The following VSIG10L2 variants were observed in gnomAD, a reference collection of about 807,000 sequenced individuals.
The protein encoded by VSIG10L2 is V-set and immunoglobulin domain-containing protein 10-like 2.
Under a neutral mutation model 67.1 loss-of-function variants are expected in VSIG10L2, and 56 were observed. That is an observed-to-expected ratio of 0.83 (90% CI 0.67 to 1.04). VSIG10L2 has a LOEUF of 1.04. Ranked by LOEUF, VSIG10L2 falls within the 50% of genes least tolerant of loss-of-function variation. The pLI, the probability that VSIG10L2 is intolerant of heterozygous loss-of-function variation, is 0.00. For synonymous variants in VSIG10L2, 360 were observed against 396.6 expected (o/e 0.91, Z 1.10); for missense variants, 843 against 932.8 (o/e 0.90, Z 1.25).
intron 4 of VSIG10L2, 97 bp from the exon 5 acceptor site, chr11:125,950,813 C>T: frequency 8.6e-7 from 1 of 1,161,780 alleles, no homozygotes; most frequent in African/African-American, 1.6e-5. Flanking sequence ...CCCCTACCCA[C>T]TGACACCCCT....
chr11:125,954,103 C>CA lies in VSIG10L2; in HGVS notation c.1805dup (p.Asn602LysfsTer52). The CA allele has an allele frequency of 8.1e-7, 1 of 1,232,236 alleles. No individual in the cohort carries two copies. The highest frequency in any genetic ancestry group is 4.1e-5 in the South Asian group (1 of 24,310). 76.3% of individuals were successfully genotyped at this position (1,232,236 alleles called of 1,614,324 possible). A position where few individuals can be genotyped will look rare whatever the true frequency, so the allele number is the denominator to read the frequency against. The stretch of plus-strand genomic sequence containing the variant: ...CTCACCCAGGATATCCAGCTCCTCC[C>CA]AATGTCACCATCAGCCGCCTGACCT... On this transcript the variant is annotated frameshift_variant, in exon 8 of 12. Transcript: ENST00000686984. LOFTEE classifies it high-confidence loss of function.
chr11:125,953,589 G>A lies in VSIG10L2; in HGVS notation c.1685G>A (p.Gly562Asp), dbSNP rs1023566326. Residue 562 changes from glycine to aspartate, a missense_variant, in exon 7 of 12, where the codon GGC (glycine) becomes GAC (aspartate). This residue lies in a region of VSIG10L2 where 397 missense variants were observed against 384.4 expected (regional missense o/e 1.03). Coordinates refer to ENST00000686984, the MANE Select transcript of VSIG10L2 (RefSeq NM_001365077.2). ...CCTGAGGGTGCCCAGCTGCGCCTGG[G>A]CATCTACGATGCTGACCCGGCACAC... ...LHPEGAQLRL[G>D]IYDADPAHHR... 17 of 1,232,074 alleles carry A rather than the reference G, an allele frequency of 1.4e-5. No homozygotes were observed. The highest frequency in any genetic ancestry group is 4.2e-5 in the Admixed American group (1 of 23,698). The allele number at this position is 1,232,074 out of a possible 1,614,324, so 76.3% of individuals were successfully genotyped here. A position where few individuals can be genotyped will look rare whatever the true frequency, so the allele number is the denominator to read the frequency against.
intron 3 of VSIG10L2, 76 bp downstream of exon 3, chr11:125,948,656 A>T (rs1376409457): frequency 8.2e-7 from 1 of 1,220,134 alleles, no homozygotes; most frequent in South Asian, 4.3e-5. Context: ...TCCACACCTC[A>T]GAACTCCCCA....
chr11:125,949,062 G>A (rs1945330957), intron 3 of VSIG10L2, among the ~76,000 whole-genome samples: 1 of 152,256 alleles, frequency 6.6e-6, no homozygotes, highest in African/African-American at 2.4e-5. Context: ...TCGGTCACTT[G>A]AGATGGAGCC....
At chr11:125,954,829 CAG>C (rs1010547265) in intron 8 of VSIG10L2, among the ~76,000 whole-genome samples, 23 of 152,318 alleles carry the variant, frequency 1.5e-4, no homozygotes, top group South Asian at 2.1e-4. Flanking sequence ...GCACCAGAAA[CAG>C]GGGATTTGGC....
chr11:125,950,116 C>G lies in VSIG10L2; in HGVS notation c.812C>G (p.Ala271Gly). 1 of 1,232,394 alleles carries G rather than the reference C, an allele frequency of 8.1e-7. No homozygotes were observed. The highest frequency in any genetic ancestry group is 3.2e-5 in the East Asian group (1 of 31,710). 76.3% of individuals were successfully genotyped at this position (1,232,394 alleles called of 1,614,324 possible). Residue 271 changes from alanine (A) to glycine (G), a missense_variant, in exon 4 of 12, where the codon GCC becomes GGC. Transcript: ENST00000686984. The part of the protein sequence containing the change: ...REEVTLSCLA[A>G]SNPPSHYVWL... ...GAGGTGACCCTGAGCTGTCTGGCTG[C>G]CTCCAACCCACCTAGTCACTATGTG...
rs1258650455 is a variant in VSIG10L2 at position 125,950,915 on chromosome 11, CCT to C, written c.992_993del (p.Pro331ArgfsTer13). 4.9e-6 allele frequency: 6 copies of C among 1,232,494 alleles called. No individual in the cohort carries two copies. The highest frequency in any genetic ancestry group is 6.1e-6 in the Non-Finnish European group (6 of 988,316). 76.3% of individuals were successfully genotyped at this position (1,232,494 alleles called of 1,614,324 possible). A position where few individuals can be genotyped will look rare whatever the true frequency, so the allele number is the denominator to read the frequency against. Reference sequence around the variant, plus strand: ...TCACCCACTTCCCCATCCAGATCCCCCTGAGGGACAGCCCTCCTGTGCAGTGC... The same window carrying C: ...TCACCCACTTCCCCATCCAGATCCCCGAGGGACAGCCCTCCTGTGCAGTGC... ...TTVQLTIYYP[P>X]EGQPSCAVHP... is the part of the protein sequence containing the mutation. On this transcript the variant is annotated frameshift_variant, in exon 5 of 12. Coordinates refer to ENST00000686984, the MANE Select transcript of VSIG10L2 (RefSeq NM_001365077.2). LOFTEE classifies it high-confidence loss of function.
At chr11:125,948,145 G>GC (rs1945320456) in intron 2 of VSIG10L2, 109 bp downstream of exon 2, 1 of 1,231,566 alleles carries the variant, frequency 8.1e-7, no homozygotes, top group East Asian at 3.2e-5. Flanking sequence ...TCTAAAGGGC[G>GC]CCCCACTCCA....
rs540149681 is a variant in VSIG10L2, at chr11:125,952,060, C to A, written c.1482C>A (p.Cys494Ter). ...THLLRTPDPHCHLQLEAPQLD... is the reference protein window; with the variant it reads ...THLLRTPDPH ...TGCTCAGGACCCCTGACCCCCACTGCCACCTCCAGCTGGGTGAGTAGGGGC... is the reference window on the plus strand; with the variant it reads ...TGCTCAGGACCCCTGACCCCCACTGACACCTCCAGCTGGGTGAGTAGGGGC... The change falls in exon 6 of 12, where the codon TGC becomes TGA. Residue 494 changes from cysteine to a stop codon, truncating the protein, a stop_gained. Transcript: ENST00000686984. LOFTEE classifies it high-confidence loss of function. The A allele has an allele frequency of 1.1e-3, 1,696 of 1,534,038 alleles. 36 individuals are homozygous for A. In the South Asian group the frequency reaches 0.017, roughly 16 times the overall value.
chr11:125,950,048 G>A lies in VSIG10L2; in HGVS notation c.744G>A (p.Pro248=), dbSNP rs745931060. Residue 248 remains proline (P), a synonymous_variant, in exon 4 of 12, where the codon CCG becomes CCA. Transcript: ENST00000686984. ...GPDKPVITME[P]LGLTEEGFWA... ...ACAAGCCTGTGATCACCATGGAGCC[G>A]CTGGGACTCACTGAGGAGGGCTTCT... 4.1e-5 allele frequency: 51 copies of A among 1,232,246 alleles called. No homozygotes were observed. The highest frequency in any genetic ancestry group is 4.9e-5 in the Non-Finnish European group (48 of 988,148). The allele number at this position is 1,232,246 out of a possible 1,614,324, so 76.3% of individuals were successfully genotyped here.
Position 125,955,890 on chromosome 11 carries a change from C to A in VSIG10L2, c.2358C>A (p.Thr786=), listed in dbSNP as rs530572320. 5 of 682,142 alleles carry A rather than the reference C, an allele frequency of 7.3e-6. No individual in the cohort carries two copies. The highest frequency in any genetic ancestry group is 6.4e-5 in the Admixed American group (3 of 46,932). 42.3% of individuals were successfully genotyped at this position (682,142 alleles called of 1,614,324 possible). Residue 786 remains threonine (T), a synonymous_variant, in exon 12 of 12, where the codon ACC becomes ACA. Coordinates refer to ENST00000686984, the MANE Select transcript of VSIG10L2 (RefSeq NM_001365077.2). ...QETTDSPVNV[T]ITVTATP Reference sequence around the variant, plus strand: ...CCACGGATTCTCCAGTGAATGTCACCATCACAGTGACTGCAACACCATAAG... The same window carrying A: ...CCACGGATTCTCCAGTGAATGTCACAATCACAGTGACTGCAACACCATAAG...
chr11:125,947,428 G>A (rs1389751562), intron 1 of VSIG10L2: 1 of 985,294 alleles, frequency 1.0e-6, no homozygotes, highest in Non-Finnish European at 1.2e-6. Flanking sequence ...TGACCCATGA[G>A]GAGTGGGGAT....
chr11:125,949,946 G>A (rs1945343689), intron 3 of VSIG10L2, 68 bp from the exon 4 acceptor site: 2 of 1,222,336 alleles, frequency 1.6e-6, no homozygotes, highest in Middle Eastern at 3.1e-4. Flanking sequence ...CATACATTCA[G>A]AGATGAGCAT....
rs575266720 is a variant in VSIG10L2 at position 125,946,441 on chromosome 11, A to G, written c.82+304A>G. Among the ~76,000 whole-genome samples, 2 of 152,284 alleles carry G rather than the reference A, an allele frequency of 1.3e-5. No individual in the cohort carries two copies. Among genetic ancestry groups the G allele is most frequent in the Non-Finnish European group, 2.9e-5 (2 of 68,032 alleles). ...GGTTTTGAGGGGGATTAGGGCAATC[A>G]GGAGATCATTGCCATAATCCAGGTG... On this transcript the variant is annotated intron_variant, in intron 1 of 11. Transcript: ENST00000686984. The surrounding 1 kb of genome is among the most constrained non-coding windows in gnomAD (Gnocchi z 4.4).
chr11:125,955,026 A>C (rs1327163776), intron 8 of VSIG10L2, 31 bp from the exon 9 acceptor site: 1 of 1,233,260 alleles, frequency 8.1e-7, no homozygotes, highest in African/African-American at 1.6e-5. Flanking sequence ...CAGTGGCTCT[A>C]AACCATGGAA....
chr11:125,953,191 C>T (rs73019359), intron 6 of VSIG10L2, among the ~76,000 whole-genome samples: 39,660 of 152,028 alleles, frequency 0.26, 5,345 homozygotes, highest in Non-Finnish European at 0.29. Flanking sequence ...CTGCTGATTT[C>T]ATCATATATT....
At position 125,954,168 on chromosome 11, in the gene VSIG10L2, T is replaced by C; in HGVS notation, c.1868T>C (p.Ile623Thr). 8.1e-7 allele frequency: 1 copy of C among 1,232,182 alleles called. No homozygotes were observed. The highest frequency in any genetic ancestry group is 1.0e-6 in the Non-Finnish European group (1 of 988,026). The allele number at this position is 1,232,182 out of a possible 1,614,324, so 76.3% of individuals were successfully genotyped here. ...AGAGAGGTGCAGCTTCAATGGGCCATCTTAGGACCCGGGAACCTGACGGGC... is the reference window on the plus strand; with the variant it reads ...AGAGAGGTGCAGCTTCAATGGGCCACCTTAGGACCCGGGAACCTGACGGGC... ...HRREVQLQWA[I>T]LGPGNLTGFL... The change falls in exon 8 of 12, where the codon ATC (isoleucine) becomes ACC (threonine). Residue 623 changes from isoleucine to threonine, a missense_variant. Ile to Thr is a moderately conservative substitution (Grantham distance 89, BLOSUM62 -1). Around this residue, in one of 2 missense-constraint regions of VSIG10L2, gnomAD observed 397 missense variants for 384.4 expected, o/e 1.03. Coordinates refer to ENST00000686984, the MANE Select transcript of VSIG10L2 (RefSeq NM_001365077.2).
chr11:125,947,993 C>G lies in VSIG10L2; in HGVS notation c.390C>G (p.Gly130=), dbSNP rs1591528527. ...GCCAGGTTCTGCACGTGGCTGGCGG[C>G]CAGCTCCACGCTGCCTACTCCCACC... The part of the protein sequence containing the change: ...FLCQVLHVAG[G]QLHAAYSHLT... The change falls in exon 2 of 12, where the codon GGC becomes GGG. Residue 130 remains glycine, a synonymous_variant. Coordinates refer to ENST00000686984, the MANE Select transcript of VSIG10L2 (RefSeq NM_001365077.2). The G allele has an allele frequency of 1.6e-6, 2 of 1,232,256 alleles. No individual in the cohort carries two copies. The highest frequency in any genetic ancestry group is 2.0e-6 in the Non-Finnish European group (2 of 988,034). The allele number at this position is 1,232,256 out of a possible 1,614,324, so 76.3% of individuals were successfully genotyped here.
chr11:125,951,803 T>A lies in VSIG10L2; in HGVS notation c.1235-10T>A. The A allele has an allele frequency of 6.7e-7, 1 of 1,484,948 alleles. No homozygotes were observed. The highest frequency in any genetic ancestry group is 1.3e-5 in the South Asian group (1 of 75,714). 92.0% of individuals were successfully genotyped at this position (1,484,948 alleles called of 1,614,324 possible). Reference sequence around the variant, plus strand: ...TCCACAGGGCCATACTGAGCCATCATTCCTTCCAGGGGAGCCTCTCGGGAG... The same window carrying A: ...TCCACAGGGCCATACTGAGCCATCAATCCTTCCAGGGGAGCCTCTCGGGAG... On this transcript the variant is annotated splice_polypyrimidine_tract_variant and intron_variant, in intron 5 of 11. Coordinates refer to ENST00000686984, the MANE Select transcript of VSIG10L2 (RefSeq NM_001365077.2).
Sources: gnomAD v4.1 joint callset for allele counts (sites outside exome capture counted in the v4.1 genomes callset) on GRCh38, gnomAD v4.1.1 for gene constraint, gnomAD v4.1.1 regional missense constraint, Gnocchi (gnomAD v3.1) non-coding constraint, MANE v1.5 for transcripts, NCBI Gene and HGNC (gene_info 2026-07-23, HGNC 2026-07-21) for gene names.